Variants in TCF12 observed in about 807,000 individuals in gnomAD.
TCF12 encodes the protein transcription factor 12, also known as DNA-binding protein HTF4.
TCF12 carries 45 observed loss-of-function variants against 86.0 expected under a neutral mutation model. The ratio of observed to expected loss-of-function variants is 0.52; its 90% CI spans 0.41 to 0.67. TCF12 has a LOEUF of 0.67. Ranked by LOEUF, TCF12 falls within the 30% of genes least tolerant of loss-of-function variation. The pLI is 0.00. For synonymous variants in TCF12, 330 were observed against 299.6 expected (o/e 1.10, Z -1.05); for missense variants, 881 against 859.9 (o/e 1.02, Z -0.31).
intron 11 of TCF12, among the ~76,000 whole-genome samples, chr15:57,233,086 A>T: frequency 6.7e-6 from 1 of 148,612 alleles, no homozygotes; most frequent in South Asian, 2.1e-4. Context: ...TTTTTTATAT[A>T]TGTATATATA....
At position 56,959,705 on chromosome 15, in the gene TCF12, A is replaced by G. The variant is rs527921411; in HGVS notation, c.148+38607A>G. On this transcript the variant is annotated intron_variant, in intron 3 of 20. Transcript: ENST00000333725. The stretch of plus-strand genomic sequence containing the variant: ...TTGTTTTGACTCGGCTTTTTAATCT[A>G]CTTACAGAGGAACAGTTTTTACATT... Among the ~76,000 whole-genome samples the G allele has an allele frequency of 4.9e-4, 74 of 152,310 alleles. 2 individuals carry two copies. The South Asian group carries it at 0.014, about 29-fold the overall frequency.
intron 5 of TCF12, among the ~76,000 whole-genome samples, chr15:57,153,583 A>T (rs777343118): frequency 3.2e-4 from 49 of 152,380 alleles, no homozygotes; most frequent in Middle Eastern, 6.8e-3. Flanking sequence ...TGTCGGTTTT[A>T]TAAAATATGT....
intron 5 of TCF12, among the ~76,000 whole-genome samples, chr15:57,159,767 A>G (rs1245853961): frequency 1.3e-5 from 2 of 152,240 alleles, no homozygotes; most frequent in Non-Finnish European, 2.9e-5. Context: ...GCTGAATTCA[A>G]ATTTATGAAT....
intron 8 of TCF12, among the ~76,000 whole-genome samples, chr15:57,203,718 G>C (rs1285866878): frequency 1.3e-5 from 2 of 152,056 alleles, no homozygotes; most frequent in Admixed American, 6.6e-5. Flanking sequence ...GTAATTTCTT[G>C]CTTAAACTCT....
At position 57,171,978 on chromosome 15, in the gene TCF12, T is replaced by C. The variant is rs568398703; in HGVS notation, c.390+5512T>C. Among the ~76,000 whole-genome samples, 20 of 152,334 alleles carry C rather than the reference T, an allele frequency of 1.3e-4. No homozygotes were observed. In the East Asian group the frequency reaches 3.7e-3, roughly 28 times the overall value. On this transcript the variant is annotated intron_variant, in intron 6 of 20. Coordinates refer to ENST00000333725, the MANE Select transcript of TCF12 (RefSeq NM_207037.2). ...GTAGAAGGTGGCAGGGTCTTGGTTT[T>C]TTTCAGAAAGTGTGAAGTTCATCTG...
intron 4 of TCF12, among the ~76,000 whole-genome samples, chr15:57,078,901 C>G (rs764947505): frequency 2.6e-5 from 4 of 152,140 alleles, no homozygotes; most frequent in Admixed American, 2.6e-4. Flanking sequence ...TCACAATTAG[C>G]TTTAGTTTCC....
At chr15:57,104,435 C>CTTTTTTTTTTTTTTTTTTT (rs71113062) in intron 5 of TCF12, among the ~76,000 whole-genome samples, 1 of 103,362 alleles carries the variant, frequency 9.7e-6, no homozygotes. Context: ...TTTTTTTTTT[C>CTTTTTTTTTTTTTTTTTTT]TTTTTTTTTT....
At chr15:57,207,893 A>G (rs1245698145) in intron 8 of TCF12, among the ~76,000 whole-genome samples, 1 of 152,170 alleles carries the variant, frequency 6.6e-6, no homozygotes, top group African/African-American at 2.4e-5. Context: ...GGCTCCATCT[A>G]GTAGATTCCC....
At chr15:56,925,612 G>T (rs1485969316) in intron 3 of TCF12, among the ~76,000 whole-genome samples, 1 of 152,140 alleles carries the variant, frequency 6.6e-6, no homozygotes, top group Non-Finnish European at 1.5e-5. Flanking sequence ...GAATGTCATT[G>T]TCTGCCTAGT....
intron 3 of TCF12, among the ~76,000 whole-genome samples, chr15:57,030,703 CTTCT>C (rs1483035892): frequency 1.3e-5 from 2 of 152,142 alleles, no homozygotes; most frequent in African/African-American, 2.4e-5. Flanking sequence ...TTCCTCTTCT[CTTCT>C]TTTTCTGTTT....
chr15:57,176,843 AGG>A (rs2055948707), intron 6 of TCF12, among the ~76,000 whole-genome samples: 1 of 152,216 alleles, frequency 6.6e-6, no homozygotes, highest in South Asian at 2.1e-4. Context: ...CTATAAGAAA[AGG>A]AGGTTATGTC....
At chr15:57,279,388 G>C (rs1184784921) in intron 19 of TCF12, among the ~76,000 whole-genome samples, 1 of 152,160 alleles carries the variant, frequency 6.6e-6, no homozygotes, top group Non-Finnish European at 1.5e-5. Flanking sequence ...TCAATAGATA[G>C]AATTCCCCTA....
At chr15:57,198,965 G>A (rs142700855) in intron 8 of TCF12, among the ~76,000 whole-genome samples, 87 of 152,202 alleles carry the variant, frequency 5.7e-4, no homozygotes, top group African/African-American at 1.8e-3. Flanking sequence ...CTTCTCTACC[G>A]TGTGATACAT....
At chr15:57,078,815 C>T (rs1292467341) in intron 4 of TCF12, among the ~76,000 whole-genome samples, 1 of 152,154 alleles carries the variant, frequency 6.6e-6, no homozygotes, top group Admixed American at 6.5e-5. Context: ...GAACTCAAAG[C>T]AGACAAGAAA....
chr15:57,275,323 T>TGGGGGGGGGGG (rs1239408414), intron 19 of TCF12, among the ~76,000 whole-genome samples: 1 of 136,440 alleles, frequency 7.3e-6, no homozygotes, highest in African/African-American at 2.7e-5. Flanking sequence ...CTTTGTAAGG[T>TGGGGGGGGGGG]AGGGGTGTGT....
intron 3 of TCF12, among the ~76,000 whole-genome samples, chr15:56,959,128 C>T (rs1422114610): frequency 6.6e-6 from 1 of 152,112 alleles, no homozygotes; most frequent in African/African-American, 2.4e-5. Flanking sequence ...TGTCTACATT[C>T]TTGAAGTATT....
At chr15:57,072,778 C>G (rs960681344) in intron 4 of TCF12, 13 of 1,111,440 alleles carry the variant, frequency 1.2e-5, no homozygotes, top group Non-Finnish European at 1.4e-5. Context: ...TGTAACTGCT[C>G]CTTCTGAATG....
At chr15:57,243,444 A>G (rs774861976) in intron 12 of TCF12, 28 bp from the exon 13 acceptor site, 1 of 1,580,838 alleles carries the variant, frequency 6.3e-7, no homozygotes. Flanking sequence ...ACATGTTGAT[A>G]CATGTATATT....
At position 57,118,152 on chromosome 15, in the gene TCF12, C is replaced by T. The variant is rs188214735; in HGVS notation, c.325+26261C>T. ...AGCTTCTATGTTGATTATAACACTG[C>T]CTTGTCACCATTGTGTTCTTTCTAA... On this transcript the variant is annotated intron_variant, in intron 5 of 20. Coordinates refer to ENST00000333725, the MANE Select transcript of TCF12 (RefSeq NM_207037.2). Among the ~76,000 whole-genome samples, 8 of 152,256 alleles carry T rather than the reference C, an allele frequency of 5.3e-5. No individual in the cohort carries two copies. In the East Asian group the frequency reaches 1.5e-3, roughly 29 times the overall value.
Sources: gnomAD v4.1 joint callset for allele counts (sites outside exome capture counted in the v4.1 genomes callset) on GRCh38, gnomAD v4.1.1 for gene constraint, MANE v1.5 for transcripts, NCBI Gene and HGNC (gene_info 2026-07-23, HGNC 2026-07-21) for gene names.